Variants in LRP1B observed in about 807,000 individuals in gnomAD.
The protein encoded by LRP1B is LDL receptor related protein 1B.
A neutral mutation model predicts 556.6 loss-of-function variants in LRP1B; 217 were observed. The observed-to-expected ratio is 0.39, with a 90% confidence interval of 0.35 to 0.44. The LOEUF is 0.44. Ranked by LOEUF, LRP1B falls within the 20% of genes least tolerant of loss-of-function variation. LRP1B has a pLI of 1.00. For missense variants in LRP1B, 5,053 were observed against 5,620.8 expected (o/e 0.90, Z 3.23); for synonymous variants, 2,047 against 1,865.8 (o/e 1.10, Z -2.50).
At chr2:141,646,938 T>C (rs1280804391) in intron 2 of LRP1B, among the ~76,000 whole-genome samples, 5 of 152,122 alleles carry the variant, frequency 3.3e-5, no homozygotes, top group African/African-American at 1.2e-4. Flanking sequence ...GCAGTGGGTA[T>C]AGAGAGAAGA....
intron 18 of LRP1B, among the ~76,000 whole-genome samples, chr2:140,978,843 C>T (rs1423645287): frequency 1.3e-5 from 2 of 152,120 alleles, no homozygotes; most frequent in Non-Finnish European, 2.9e-5. Context: ...TGATACTAAC[C>T]CATGCCGCTA....
At chr2:141,639,304 GTATATA>G (rs577532316) in intron 2 of LRP1B, among the ~76,000 whole-genome samples, 8,555 of 58,324 alleles carry the variant, frequency 0.15, 1,227 homozygotes, top group Non-Finnish European at 0.19. Context: ...CATCATGTGT[GTATATA>G]TATATATATA....
chr2:140,666,641 A>G (rs16844439), intron 41 of LRP1B, among the ~76,000 whole-genome samples: 15,855 of 152,240 alleles, frequency 0.1, 969 homozygotes, highest in East Asian at 0.25. Context: ...TAATCAAGAA[A>G]CTAACATTTC....
intron 3 of LRP1B, among the ~76,000 whole-genome samples, chr2:141,365,163 C>A (rs62165747): frequency 0.032 from 4,876 of 152,200 alleles, 111 homozygotes; most frequent in Non-Finnish European, 0.049. Flanking sequence ...TACAAAGTTG[C>A]TTCTCTGTGA....
chr2:140,402,649 G>T (rs1355710758), intron 66 of LRP1B, among the ~76,000 whole-genome samples: 1 of 152,164 alleles, frequency 6.6e-6, no homozygotes, highest in Non-Finnish European at 1.5e-5. Context: ...TGGCAGGGGA[G>T]CTTAGGTGGT....
intron 43 of LRP1B, among the ~76,000 whole-genome samples, chr2:140,589,279 A>G (rs1229373039): frequency 1.3e-5 from 2 of 152,206 alleles, no homozygotes; most frequent in Non-Finnish European, 2.9e-5. Context: ...GAAAATATTT[A>G]CAAACCACAT....
chr2:141,263,873 G>GA (rs899176624), intron 3 of LRP1B, among the ~76,000 whole-genome samples: 2 of 151,780 alleles, frequency 1.3e-5, no homozygotes, highest in Non-Finnish European at 2.9e-5. Context: ...TACAGTAAGG[G>GA]AAAAAAACCC....
In LRP1B at chr2:141,724,086, C is replaced by T. The variant is rs964932955; in HGVS notation, c.205+86193G>A. Among the ~76,000 whole-genome samples the T allele has an allele frequency of 2.0e-5, 3 of 151,818 alleles. No individual in the cohort carries two copies. The East Asian group carries it at 5.8e-4, about 29-fold the overall frequency. On this transcript the variant is annotated intron_variant, in intron 2 of 90. Transcript: ENST00000389484. ...TAAGAAAGAAAATAAATAGTCTGTA[C>T]CTTGATGACTCAATCAGATTTTGCA...
intron 72 of LRP1B, among the ~76,000 whole-genome samples, chr2:140,363,495 A>G (rs1195405024): frequency 6.6e-6 from 1 of 151,632 alleles, no homozygotes; most frequent in Non-Finnish European, 1.5e-5. Context: ...GATAAAAATA[A>G]TAGCTTCTGG....
At chr2:140,943,824 G>T (rs1233140825) in intron 20 of LRP1B, among the ~76,000 whole-genome samples, 1 of 151,960 alleles carries the variant, frequency 6.6e-6, no homozygotes, top group Non-Finnish European at 1.5e-5. Context: ...AAGACAGAAA[G>T]ATCTCAAATT....
intron 7 of LRP1B, among the ~76,000 whole-genome samples, chr2:141,126,005 C>A (rs533451171): frequency 6.6e-6 from 1 of 151,396 alleles, no homozygotes; most frequent in Non-Finnish European, 1.5e-5. Flanking sequence ...CTTGGCTGAG[C>A]CCTCTCAATT....
chr2:141,997,490 T>C (rs1449267884), intron 1 of LRP1B, among the ~76,000 whole-genome samples: 4 of 147,614 alleles, frequency 2.7e-5, no homozygotes, highest in African/African-American at 9.9e-5. Flanking sequence ...CATTTTTATT[T>C]TTATTTTCTT....
intron 1 of LRP1B, among the ~76,000 whole-genome samples, chr2:141,922,058 G>A (rs534469196): frequency 1.3e-5 from 2 of 152,120 alleles, no homozygotes; most frequent in Non-Finnish European, 2.9e-5. Flanking sequence ...AAAAGGTATG[G>A]AAAAGAATCT....
chr2:141,125,710 TC>T (rs1701184996), intron 7 of LRP1B, among the ~76,000 whole-genome samples: 1 of 152,014 alleles, frequency 6.6e-6, no homozygotes, highest in Non-Finnish European at 1.5e-5. Context: ...CACATAAATA[TC>T]TTCTCTCTGT....
At chr2:140,437,929 T>C (rs1686256583) in intron 66 of LRP1B, among the ~76,000 whole-genome samples, 1 of 152,168 alleles carries the variant, frequency 6.6e-6, no homozygotes, top group African/African-American at 2.4e-5. Flanking sequence ...ATATTTGTTA[T>C]ATAACTTATA....
chr2:140,750,478 A>T (rs1181718313), intron 35 of LRP1B, among the ~76,000 whole-genome samples: 2 of 152,318 alleles, frequency 1.3e-5, no homozygotes, highest in East Asian at 3.9e-4. Flanking sequence ...GTGCAAACAT[A>T]TGTGTGCATA....
chr2:141,146,779 C>T (rs72976044), intron 7 of LRP1B, among the ~76,000 whole-genome samples: 7,705 of 152,164 alleles, frequency 0.051, 357 homozygotes, highest in African/African-American at 0.13. Flanking sequence ...CTGTTCTTCT[C>T]CGTTTTCCTG....
intron 23 of LRP1B, among the ~76,000 whole-genome samples, chr2:140,891,349 CCTT>C (rs1264032978): frequency 6.6e-6 from 1 of 152,096 alleles, no homozygotes; most frequent in East Asian, 1.9e-4. Context: ...GAAAAAGAGT[CCTT>C]CTTCAGATCC....
intron 1 of LRP1B, among the ~76,000 whole-genome samples, 160 bp downstream of exon 1, chr2:142,130,488 C>T (rs1707811100): frequency 6.6e-6 from 1 of 152,150 alleles, no homozygotes; most frequent in African/African-American, 2.4e-5. Context: ...AATCCCGCAC[C>T]GCACCTCTCA....
Sources: allele counts gnomAD v4.1 joint callset (sites outside exome capture counted in the v4.1 genomes callset), GRCh38; gene constraint gnomAD v4.1.1; transcripts MANE v1.5; gene names NCBI Gene and HGNC (gene_info 2026-07-23, HGNC 2026-07-21).